Variants in SYNE2 observed in about 807,000 individuals in gnomAD.
SYNE2 encodes spectrin repeat containing nuclear envelope protein 2.
Under a neutral mutation model 856.3 loss-of-function variants are expected in SYNE2, and 431 were observed. The observed-to-expected ratio is 0.50, with a 90% CI of 0.47 to 0.55. SYNE2 has a LOEUF of 0.55. Among genes scored for constraint, SYNE2 ranks in the 20% least tolerant of loss-of-function variants. SYNE2 has a pLI of 0.00. For synonymous variants in SYNE2, 2,923 were observed against 2,872.3 expected (o/e 1.02, Z -0.56); for missense variants, 8,129 against 8,023.2 (o/e 1.01, Z -0.50).
chr14:64,208,438 G>T (rs1241852193), intron 100 of SYNE2, among the ~76,000 whole-genome samples: 1 of 152,232 alleles, frequency 6.6e-6, no homozygotes, highest in African/African-American at 2.4e-5. Flanking sequence ...CCCGAAGTCT[G>T]TGGGGCGATG....
intron 29 of SYNE2, 86 bp downstream of exon 29, chr14:64,002,167 T>A: frequency 8.8e-7 from 1 of 1,142,438 alleles, no homozygotes; most frequent in East Asian, 2.3e-5. Context: ...TAATTATTCA[T>A]GATAGCATAG....
intron 1 of SYNE2, among the ~76,000 whole-genome samples, chr14:63,898,752 T>C (rs1237996465): frequency 6.6e-6 from 1 of 152,182 alleles, no homozygotes; most frequent in African/African-American, 2.4e-5. Context: ...TACATTTTTT[T>C]TGAGCTTTGT....
intron 51 of SYNE2, among the ~76,000 whole-genome samples, chr14:64,069,029 G>A (rs772544569): frequency 2.6e-5 from 4 of 152,102 alleles, no homozygotes; most frequent in Admixed American, 1.3e-4. Context: ...GAGGGGAGCC[G>A]AAACAGGAAA....
rs554269245 is a variant in SYNE2, at chr14:63,994,878, T to G, written c.2782-166T>G. 5.3e-5 allele frequency among the ~76,000 whole-genome samples: 8 copies of G among 152,350 alleles called. No individual in the cohort carries two copies. The East Asian group carries it at 1.3e-3, about 26-fold the overall frequency. On this transcript the variant is annotated intron_variant, in intron 22 of 115. Coordinates refer to ENST00000555002, the MANE Select transcript of SYNE2 (RefSeq NM_182914.3). ...GAAAAAAAAACCATGTTTATGAGCC[T>G]GGGATGTTTTAAAACATCTCCCCCC...
At position 64,098,157 on chromosome 14, in the gene SYNE2, CTT is replaced by C. The variant is rs1399077361; in HGVS notation, c.12306+13_12306+14del. 1.2e-6 allele frequency: 2 copies of C among 1,613,412 alleles called. No individual in the cohort carries two copies. Among genetic ancestry groups the C allele is most frequent in the Admixed American group, 3.3e-5 (2 of 59,990 alleles). ...GCTTCTGAGCGGAAGGTGGGTATGACTTTAGGTTAATGCTGGCCCCACACTCC... is the reference window on the plus strand; with the variant it reads ...GCTTCTGAGCGGAAGGTGGGTATGACTAGGTTAATGCTGGCCCCACACTCC... On this transcript the variant is annotated intron_variant, in intron 62 of 115. Coordinates refer to ENST00000555002, the MANE Select transcript of SYNE2 (RefSeq NM_182914.3).
At chr14:63,877,133 G>A (rs538040635) in intron 1 of SYNE2, among the ~76,000 whole-genome samples, 33 of 152,206 alleles carry the variant, frequency 2.2e-4, no homozygotes, top group African/African-American at 7.5e-4. Flanking sequence ...AGCCACTTTC[G>A]TTAATAAATT....
At chr14:63,942,208 A>G (rs766260972) in intron 6 of SYNE2, 65 bp downstream of exon 6, 39 of 1,008,798 alleles carry the variant, frequency 3.9e-5, no homozygotes, top group Non-Finnish European at 5.4e-5. Flanking sequence ...ATGTAATGCA[A>G]TAAGTGTGAG....
chr14:63,974,892 G>GTGTATATATATATATATATATATATA (rs1375697679), intron 11 of SYNE2, among the ~76,000 whole-genome samples: 12 of 67,308 alleles, frequency 1.8e-4, no homozygotes, highest in East Asian at 4.6e-4. Context: ...GTGTGTGTGT[G>GTGTATATATATATATATATATATATA]TATATATATA....
intron 113 of SYNE2, 66 bp from the exon 114 acceptor site, chr14:64,224,395 A>G (rs568424246): frequency 1.6e-6 from 2 of 1,224,384 alleles, no homozygotes; most frequent in Non-Finnish European, 2.4e-6. Flanking sequence ...GGGGAGGGTG[A>G]GCTATATCAT....
Position 64,000,615 on chromosome 14 carries a change from G to C in SYNE2, c.3534G>C (p.Leu1178Phe). 6.2e-7 allele frequency: 1 copy of C among 1,613,498 alleles called. No homozygotes were observed. The highest frequency in any genetic ancestry group is 1.1e-5 in the South Asian group (1 of 91,012). ...ARWKEFEIIS[L>F]KLENHVNDIK... Reference sequence around the variant, plus strand: ...GGAAAGAGTTTGAAATTATTTCATTGAAGTTAGAAAATCATGTGAATGACA... The same window carrying C: ...GGAAAGAGTTTGAAATTATTTCATTCAAGTTAGAAAATCATGTGAATGACA... Residue 1178 changes from leucine (L) to phenylalanine (F), a missense_variant, in exon 28 of 116, where the codon TTG (leucine) becomes TTC (phenylalanine). This residue lies in a region of SYNE2 where 2,422 missense variants were observed against 2,357.4 expected (regional missense o/e 1.03). Coordinates refer to ENST00000555002, the MANE Select transcript of SYNE2 (RefSeq NM_182914.3).
chr14:63,983,674 G>A lies in SYNE2; in HGVS notation c.2002-63G>A, dbSNP rs2096603569. ...AATATATTACATCCACTTACTGTTT[G>A]TAATGTATATTAGCATAAAATAAAA... On this transcript the variant is annotated intron_variant, in intron 17 of 115. Transcript: ENST00000555002. The A allele has an allele frequency of 9.7e-6, 13 of 1,344,446 alleles. No individual in the cohort carries two copies. The South Asian group carries it at 1.6e-4, about 16-fold the overall frequency. The allele number at this position is 1,344,446 out of a possible 1,614,324, so 83.3% of individuals were successfully genotyped here.
intron 95 of SYNE2, among the ~76,000 whole-genome samples, chr14:64,175,441 A>G (rs2153731612): frequency 6.6e-6 from 1 of 152,324 alleles, no homozygotes; most frequent in East Asian, 1.9e-4. Context: ...ACAGACAGAA[A>G]CACTTCATTT....
At position 64,052,349 on chromosome 14, in the gene SYNE2, G is replaced by A; in HGVS notation, c.8436G>A (p.Arg2812=). The A allele has an allele frequency of 6.2e-7, 1 of 1,614,100 alleles. No individual in the cohort carries two copies. ...TAAATAATACCCTAGAGGACTTACG[G>A]AATCAATACCAAATGCTGGTTTTAA... ...SDLNNTLEDL[R]NQYQMLVLKS... Residue 2812 remains arginine, a synonymous_variant, in exon 48 of 116, where the codon CGG becomes CGA. Coordinates refer to ENST00000555002, the MANE Select transcript of SYNE2 (RefSeq NM_182914.3).
At chr14:63,982,355 C>T (rs1196984810) in intron 16 of SYNE2, among the ~76,000 whole-genome samples, 1 of 151,998 alleles carries the variant, frequency 6.6e-6, no homozygotes, top group Non-Finnish European at 1.5e-5. Context: ...TGCCAGTTAG[C>T]ACTTAAGAGG....
chr14:63,994,955 G>A, intron 22 of SYNE2, 89 bp from the exon 23 acceptor site: 1 of 860,426 alleles, frequency 1.2e-6, no homozygotes, highest in Non-Finnish European at 1.7e-6. Context: ...CTGTCCTTTT[G>A]TCACTACACA....
At chr14:64,164,606 G>A (rs1434152625) in intron 89 of SYNE2, among the ~76,000 whole-genome samples, 1 of 152,106 alleles carries the variant, frequency 6.6e-6, no homozygotes, top group Non-Finnish European at 1.5e-5. Context: ...TACACAGAAG[G>A]CCATGGAGTT....
intron 1 of SYNE2, among the ~76,000 whole-genome samples, chr14:63,771,282 G>A (rs950041808): frequency 3.3e-5 from 5 of 151,634 alleles, no homozygotes; most frequent in African/African-American, 4.8e-5. Flanking sequence ...GTGTTAGCCA[G>A]GATGGTCTCG....
chr14:63,905,402 G>A (rs2095395757), intron 1 of SYNE2, among the ~76,000 whole-genome samples: 2 of 152,130 alleles, frequency 1.3e-5, no homozygotes. Context: ...TGATAGTATG[G>A]TCATTTCAAT....
At chr14:63,941,043 T>C (rs1344557336) in intron 3 of SYNE2, among the ~76,000 whole-genome samples, 2 of 152,210 alleles carry the variant, frequency 1.3e-5, no homozygotes, top group Non-Finnish European at 2.9e-5. Flanking sequence ...TCCTGACAAA[T>C]AATTTCACGA....
Sources: allele counts gnomAD v4.1 joint callset (sites outside exome capture counted in the v4.1 genomes callset), GRCh38; gene constraint gnomAD v4.1.1; regional missense constraint gnomAD v4.1.1; transcripts MANE v1.5; gene names NCBI Gene and HGNC (gene_info 2026-07-23, HGNC 2026-07-21).